Variants in SLC4A4 observed in about 807,000 individuals in gnomAD.
The protein encoded by SLC4A4 is electrogenic sodium bicarbonate cotransporter 1.
Under a neutral mutation model 111.5 loss-of-function variants are expected in SLC4A4, and 27 were observed. The observed-to-expected ratio is 0.24, with a 90% CI of 0.18 to 0.33. The LOEUF (loss-of-function observed/expected upper bound fraction) is 0.33. Ranked by LOEUF, SLC4A4 falls within the 10% of genes least tolerant of loss-of-function variation. SLC4A4 has a pLI of 1.00. For missense variants in SLC4A4, 909 were observed against 1,315.5 expected (o/e 0.69, Z 4.78); for synonymous variants, 443 against 463.4 (o/e 0.96, Z 0.57).
chr4:71,246,327 C>A (rs1254999689), intron 2 of SLC4A4, among the ~76,000 whole-genome samples: 1 of 152,172 alleles, frequency 6.6e-6, no homozygotes, highest in Non-Finnish European at 1.5e-5. Context: ...TCCACGTGTT[C>A]TGACTTTCCC....
chr4:71,350,100 A>AT, intron 5 of SLC4A4, 28 bp downstream of exon 5: 2 of 1,613,010 alleles, frequency 1.2e-6, no homozygotes, highest in Non-Finnish European at 1.7e-6. Flanking sequence ...ATTTTATCCT[A>AT]TTTTTTTCGG....
intron 18 of SLC4A4, among the ~76,000 whole-genome samples, chr4:71,536,183 T>A (rs771753731): frequency 1.9e-4 from 29 of 151,632 alleles, no homozygotes; most frequent in Non-Finnish European, 3.4e-4. Context: ...AATGGTTATA[T>A]CTGCAACTGG....
intron 18 of SLC4A4, among the ~76,000 whole-genome samples, chr4:71,544,337 T>C (rs544211402): frequency 6.6e-6 from 1 of 151,994 alleles, no homozygotes; most frequent in African/African-American, 2.4e-5. Flanking sequence ...GAAGAGGCTA[T>C]GTTGGCAAAG....
intron 16 of SLC4A4, among the ~76,000 whole-genome samples, chr4:71,498,840 T>C (rs777958884): frequency 1.3e-5 from 2 of 152,114 alleles, no homozygotes; most frequent in Non-Finnish European, 2.9e-5. Context: ...CCACAGTGTG[T>C]ATACATACAA....
At chr4:71,144,758 C>T (rs570866732) in intron 2 of SLC4A4, among the ~76,000 whole-genome samples, 45 of 151,868 alleles carry the variant, frequency 3.0e-4, no homozygotes, top group African/African-American at 7.7e-4. Context: ...AGTCTGTTGT[C>T]GGTGTATAAG....
At chr4:71,101,822 A>G (rs951323691) in intron 2 of SLC4A4, among the ~76,000 whole-genome samples, 9 of 152,170 alleles carry the variant, frequency 5.9e-5, no homozygotes, top group African/African-American at 2.2e-4. Flanking sequence ...AGATGGGGAA[A>G]AAACAGAACA....
chr4:71,471,145 CAT>C (rs745317301), intron 13 of SLC4A4, among the ~76,000 whole-genome samples: 21 of 152,028 alleles, frequency 1.4e-4, no homozygotes, highest in Non-Finnish European at 2.2e-4. Flanking sequence ...TTGCATGAGA[CAT>C]AGTTCATAGG....
chr4:71,112,661 CT>C (rs1743121660), intron 2 of SLC4A4, among the ~76,000 whole-genome samples: 1 of 152,132 alleles, frequency 6.6e-6, no homozygotes, highest in African/African-American at 2.4e-5. Flanking sequence ...GCAGACTGAC[CT>C]TGTGGGCTTG....
At chr4:71,280,509 G>A (rs531221021) in intron 3 of SLC4A4, among the ~76,000 whole-genome samples, 2 of 152,246 alleles carry the variant, frequency 1.3e-5, no homozygotes, top group South Asian at 4.1e-4. Context: ...TCATCTAGGA[G>A]TTTTATGGTT....
At chr4:71,462,347 C>T (rs2149093142) in intron 12 of SLC4A4, among the ~76,000 whole-genome samples, 1 of 151,560 alleles carries the variant, frequency 6.6e-6, no homozygotes, top group African/African-American at 2.4e-5. Context: ...TCCCTGACTC[C>T]AAGACATGCT....
At chr4:71,456,745 T>C (rs1320774676) in intron 12 of SLC4A4, among the ~76,000 whole-genome samples, 1 of 152,158 alleles carries the variant, frequency 6.6e-6, no homozygotes, top group Non-Finnish European at 1.5e-5. Context: ...GTGTAGGGTA[T>C]TGATGAAAAC....
chr4:71,371,285 C>T (rs1309127395), intron 6 of SLC4A4, among the ~76,000 whole-genome samples: 2 of 143,740 alleles, frequency 1.4e-5, no homozygotes, highest in Non-Finnish European at 3.0e-5. Context: ...GCTCTGTTTC[C>T]CAGGCTAGAG....
At chr4:71,398,829 C>G (rs1720085725) in intron 7 of SLC4A4, among the ~76,000 whole-genome samples, 1 of 152,148 alleles carries the variant, frequency 6.6e-6, no homozygotes, top group Non-Finnish European at 1.5e-5. Flanking sequence ...GATCCTTGCT[C>G]TTTTAACTTA....
chr4:71,232,591 A>T (rs1006527388), intron 1 of SLC4A4, among the ~76,000 whole-genome samples: 1 of 151,928 alleles, frequency 6.6e-6, no homozygotes, highest in Non-Finnish European at 1.5e-5. Context: ...TGGAAAAAAA[A>T]ATTTCAGAGA....
At chr4:71,214,787 G>A (rs927351851) in intron 1 of SLC4A4, among the ~76,000 whole-genome samples, 1 of 152,134 alleles carries the variant, frequency 6.6e-6, no homozygotes, top group Admixed American at 6.5e-5. Flanking sequence ...CCTGGGGCTT[G>A]GGCTCTGCCT....
In SLC4A4 at chr4:71,317,075, CGTGTGTGTGTGTGTGTGT is replaced by C. The variant is rs3039073; in HGVS notation, c.254-22280_254-22263del. Among the ~76,000 whole-genome samples, 7 of 147,604 alleles carry C rather than the reference CGTGTGTGTGTGTGTGTGT, an allele frequency of 4.7e-5. No individual in the cohort carries two copies. In the South Asian group the frequency reaches 1.5e-3, roughly 33 times the overall value. The stretch of plus-strand genomic sequence containing the variant: ...GCTGTAACAGGGTTGTGTGTGTGTG[CGTGTGTGTGTGTGTGTGT>C]GTGTGTGTGTGTGTACTGTCAGATG... On this transcript the variant is annotated intron_variant, in intron 3 of 25. Coordinates refer to ENST00000264485, the MANE Select transcript of SLC4A4 (RefSeq NM_001098484.3).
At chr4:71,300,552 C>T (rs911144407) in intron 3 of SLC4A4, 12 of 255,554 alleles carry the variant, frequency 4.7e-5, no homozygotes, top group Non-Finnish European at 8.8e-5. Flanking sequence ...GATTCAGGAG[C>T]ACACCAAAGG....
intron 24 of SLC4A4, among the ~76,000 whole-genome samples, chr4:71,565,883 C>G (rs1737427074): frequency 6.6e-6 from 1 of 151,770 alleles, no homozygotes; most frequent in African/African-American, 2.4e-5. Flanking sequence ...CTCCGTAGGG[C>G]TCCCCATGAT....
At chr4:71,227,313 T>C (rs1719113973) in intron 1 of SLC4A4, among the ~76,000 whole-genome samples, 1 of 152,212 alleles carries the variant, frequency 6.6e-6, no homozygotes, top group Non-Finnish European at 1.5e-5. Context: ...ACGTTTCATG[T>C]TAAGCAAGTT....
Sources: gnomAD v4.1 joint callset for allele counts (sites outside exome capture counted in the v4.1 genomes callset) on GRCh38, gnomAD v4.1.1 for gene constraint, MANE v1.5 for transcripts, NCBI Gene and HGNC (gene_info 2026-07-23, HGNC 2026-07-21) for gene names.